The following TGFBR3 variants were observed in gnomAD, a reference collection of about 807,000 sequenced individuals.
TGFBR3 encodes the protein transforming growth factor beta receptor 3.
In TGFBR3, 46 loss-of-function variants were observed where a neutral mutation model predicts 87.9. The observed-to-expected ratio is 0.52, with a 90% CI of 0.41 to 0.67. The LOEUF is 0.67. Among genes scored for constraint, TGFBR3 ranks in the 30% least tolerant of loss-of-function variants. TGFBR3 has a pLI of 0.00. For missense variants in TGFBR3, 866 were observed against 1,041.9 expected, an observed-to-expected ratio of 0.83 and a Z score of 2.32; for synonymous variants, 381 against 391.6, an observed-to-expected ratio of 0.97 and a Z score of 0.32.
chr1:91,760,959 C>G (rs1327039771), intron 3 of TGFBR3, among the ~76,000 whole-genome samples: 1 of 152,162 alleles, frequency 6.6e-6, no homozygotes, highest in Non-Finnish European at 1.5e-5. Flanking sequence ...AACTGCAAAG[C>G]AACACTCTTT....
Position 91,841,728 on chromosome 1 carries a change from A to C in TGFBR3, c.61+19743T>G, listed in dbSNP as rs377713535. 1.7e-4 allele frequency among the ~76,000 whole-genome samples: 26 copies of C among 148,840 alleles called. No individual in the cohort carries two copies. In the East Asian group the frequency reaches 5.1e-3, roughly 29 times the overall value. ...AGAATCACTTGAACCTGGGAGGCGA[A>C]GGTTGCTGTGAGCTGAGATCACGCC... On this transcript the variant is annotated intron_variant, in intron 2 of 16. Transcript: ENST00000212355.
At chr1:91,811,752 C>A (rs1326964561) in intron 2 of TGFBR3, among the ~76,000 whole-genome samples, 1 of 152,132 alleles carries the variant, frequency 6.6e-6, no homozygotes, top group Non-Finnish European at 1.5e-5. Context: ...AAATGAGATA[C>A]CTGTTCAGAA....
rs568179749 is a variant in TGFBR3, at chr1:91,812,372, T to C, written c.62-14901A>G. ...CAAATTATCCAAATAACTAAGTCTTTTCTTGTTTCAAAAAAGTAAGTGTCT... is the reference window on the plus strand; with the variant it reads ...CAAATTATCCAAATAACTAAGTCTTCTCTTGTTTCAAAAAAGTAAGTGTCT... On this transcript the variant is annotated intron_variant, in intron 2 of 16. Coordinates refer to ENST00000212355, the MANE Select transcript of TGFBR3 (RefSeq NM_003243.5). Among the ~76,000 whole-genome samples the C allele has an allele frequency of 1.1e-3, 168 of 152,320 alleles. 1 individual carries two copies. The highest frequency in any genetic ancestry group is 2.7e-3 in the South Asian group (13 of 4,832).
intron 2 of TGFBR3, among the ~76,000 whole-genome samples, chr1:91,849,865 G>A (rs913128050): frequency 2.0e-5 from 3 of 151,714 alleles, no homozygotes; most frequent in African/African-American, 2.4e-5. Context: ...GGCCGATCAC[G>A]AGGTCAGGAG....
chr1:91,712,394 T>C lies in TGFBR3; in HGVS notation c.2015A>G (p.Lys672Arg), dbSNP rs1282763896. ...KDESVKFYSP[K>R]RVHFPIPQAD... ...TTGCGGGATAGGAAAGTGCACTCTC[T>C]TGGGACTGTAGAATTTCACAGATTC... Residue 672 changes from lysine (K) to arginine (R), a missense_variant, in exon 13 of 17, where the codon AAG becomes AGG. Transcript: ENST00000212355. 1.9e-6 allele frequency: 3 copies of C among 1,614,238 alleles called. No individual in the cohort carries two copies. Among genetic ancestry groups the C allele is most frequent in the East Asian group, 4.5e-5 (2 of 44,886 alleles).
At chr1:91,787,943 G>GGAAA (rs945269870) in intron 3 of TGFBR3, among the ~76,000 whole-genome samples, 5 of 133,312 alleles carry the variant, frequency 3.8e-5, no homozygotes, top group African/African-American at 1.2e-4. Flanking sequence ...GTCTCACGGG[G>GGAAA]AAAAAAAAAA....
chr1:91,820,744 T>C (rs1395777994), intron 2 of TGFBR3, among the ~76,000 whole-genome samples: 1 of 152,176 alleles, frequency 6.6e-6, no homozygotes, highest in South Asian at 2.1e-4. Context: ...GAAATACATA[T>C]GCTGCATTTA....
chr1:91,841,374 T>C (rs998756242), intron 2 of TGFBR3, among the ~76,000 whole-genome samples: 1 of 152,232 alleles, frequency 6.6e-6, no homozygotes, highest in Non-Finnish European at 1.5e-5. Flanking sequence ...TAAAGGAAAG[T>C]GGCAGATGTT....
At chr1:91,729,176 C>T (rs1172667348) in intron 6 of TGFBR3, among the ~76,000 whole-genome samples, 1 of 147,824 alleles carries the variant, frequency 6.8e-6, no homozygotes, top group African/African-American at 2.5e-5. Flanking sequence ...CACACACACA[C>T]ACACACACAC....
chr1:91,888,760 T>C (rs1421539375), upstream of TGFBR3, among the ~76,000 whole-genome samples: 1 of 152,212 alleles, frequency 6.6e-6, no homozygotes, highest in East Asian at 1.9e-4. Flanking sequence ...TAAAATGGCC[T>C]GGTAGATAAT....
chr1:91,840,265 T>C (rs1571562231), intron 2 of TGFBR3, among the ~76,000 whole-genome samples: 2 of 150,044 alleles, frequency 1.3e-5, no homozygotes, highest in East Asian at 3.9e-4. Context: ...GAGTTTGCAG[T>C]GAGCCGAGAC....
intron 5 of TGFBR3, among the ~76,000 whole-genome samples, chr1:91,733,738 T>C (rs11165372): frequency 0.63 from 95,231 of 151,940 alleles, 30,795 homozygotes; most frequent in South Asian, 0.82. Context: ...AAAATAATGA[T>C]TTTTAAAAAA....
chr1:91,689,855 A>G (rs927101713), intron 16 of TGFBR3, among the ~76,000 whole-genome samples: 1 of 151,450 alleles, frequency 6.6e-6, no homozygotes, highest in African/African-American at 2.4e-5. Flanking sequence ...AAAAAAAAAA[A>G]AAAAAAAAAG....
chr1:91,759,698 A>G (rs1054039195), intron 3 of TGFBR3, among the ~76,000 whole-genome samples: 2 of 152,246 alleles, frequency 1.3e-5, no homozygotes, highest in Non-Finnish European at 1.5e-5. Context: ...TCACATATTT[A>G]AACAGAGTGA....
chr1:91,826,603 C>T (rs906356794), intron 2 of TGFBR3, among the ~76,000 whole-genome samples: 6 of 152,136 alleles, frequency 3.9e-5, no homozygotes, highest in African/African-American at 1.2e-4. Context: ...AGGAGCAAAC[C>T]GATGGCTCCT....
chr1:91,786,052 C>T, intron 3 of TGFBR3: 2 of 369,824 alleles, frequency 5.4e-6, no homozygotes, highest in Non-Finnish European at 1.1e-5. Flanking sequence ...GCGTGAGCCA[C>T]CACAGCTGGC....
intron 2 of TGFBR3, among the ~76,000 whole-genome samples, chr1:91,819,331 G>A (rs905703834): frequency 2.6e-5 from 4 of 151,636 alleles, no homozygotes; most frequent in Non-Finnish European, 5.9e-5. Flanking sequence ...TCGCGCCACT[G>A]TATTCCAGCC....
At chr1:91,836,260 C>T (rs2489179) in intron 2 of TGFBR3, among the ~76,000 whole-genome samples, 114,292 of 152,084 alleles carry the variant, frequency 0.75, 43,958 homozygotes, top group East Asian at 0.96. Flanking sequence ...GGAAAATAAA[C>T]AAATAAATAA....
chr1:91,706,584 C>A (rs1224444235), intron 14 of TGFBR3, among the ~76,000 whole-genome samples: 1 of 152,172 alleles, frequency 6.6e-6, no homozygotes, highest in Non-Finnish European at 1.5e-5. Context: ...AATTACCCAC[C>A]CCTTGTTTAG....
Sources: gnomAD v4.1 joint callset for allele counts (sites outside exome capture counted in the v4.1 genomes callset) on GRCh38, gnomAD v4.1.1 for gene constraint, MANE v1.5 for transcripts, NCBI Gene and HGNC (gene_info 2026-07-23, HGNC 2026-07-21) for gene names.